Variants in PDE4B observed in about 807,000 individuals in gnomAD.
PDE4B encodes the protein phosphodiesterase 4B.
A neutral mutation model predicts 82.2 loss-of-function variants in PDE4B; 20 were observed. That is an observed-to-expected ratio of 0.24 (90% CI 0.17 to 0.35). PDE4B has a LOEUF of 0.35. Among genes scored for constraint, PDE4B ranks in the 10% least tolerant of loss-of-function variants. The pLI, the probability that PDE4B is intolerant of heterozygous loss-of-function variation, is 1.00. For missense variants in PDE4B, 655 were observed against 907.2 expected, an observed-to-expected ratio of 0.72 and a Z score of 3.57; for synonymous variants, 320 against 318.9, an observed-to-expected ratio of 1.00 and a Z score of -0.04.
At chr1:66,026,563 T>C (rs1379525794) in intron 3 of PDE4B, among the ~76,000 whole-genome samples, 1 of 152,234 alleles carries the variant, frequency 6.6e-6, no homozygotes. Flanking sequence ...TAATAACACT[T>C]AATTTATGGG....
chr1:66,303,351 GTGTA>G (rs767828817), intron 7 of PDE4B, among the ~76,000 whole-genome samples: 16 of 105,302 alleles, frequency 1.5e-4, no homozygotes, highest in African/African-American at 6.4e-4. Context: ...ATGTGTGTGT[GTGTA>G]TATATATATA....
At chr1:66,188,795 C>T (rs1034591941) in intron 3 of PDE4B, among the ~76,000 whole-genome samples, 1 of 151,982 alleles carries the variant, frequency 6.6e-6, no homozygotes, top group African/African-American at 2.4e-5. Flanking sequence ...TCCAATTTGC[C>T]AGTCTGTGTC....
intron 3 of PDE4B, among the ~76,000 whole-genome samples, chr1:66,179,359 C>T (rs1042152986): frequency 6.6e-6 from 1 of 152,024 alleles, no homozygotes; most frequent in South Asian, 2.1e-4. Flanking sequence ...GTGCAGGCTG[C>T]ATATGAGATG....
chr1:66,301,168 A>G (rs1473749469), intron 7 of PDE4B, among the ~76,000 whole-genome samples: 1 of 149,888 alleles, frequency 6.7e-6, no homozygotes, highest in African/African-American at 2.4e-5. Context: ...TATTCACCAG[A>G]TTACCAATAT....
intron 1 of PDE4B, among the ~76,000 whole-genome samples, chr1:65,879,543 G>T (rs1275531254): frequency 1.3e-5 from 2 of 152,100 alleles, no homozygotes; most frequent in Non-Finnish European, 2.9e-5. Context: ...TGGACTGGAG[G>T]AATCAGAAGT....
chr1:66,227,232 A>G (rs781110102), intron 3 of PDE4B, among the ~76,000 whole-genome samples: 48 of 152,192 alleles, frequency 3.2e-4, no homozygotes, highest in Non-Finnish European at 6.0e-4. Context: ...ATCCATTTAC[A>G]TTACCCCTAA....
intron 3 of PDE4B, among the ~76,000 whole-genome samples, chr1:66,211,345 C>G (rs1650032897): frequency 6.6e-6 from 1 of 152,180 alleles, no homozygotes; most frequent in African/African-American, 2.4e-5. Flanking sequence ...ACCTTTGCCT[C>G]TCTTTAAACT....
At chr1:66,232,478 G>A (rs545276557) in intron 3 of PDE4B, among the ~76,000 whole-genome samples, 2 of 152,186 alleles carry the variant, frequency 1.3e-5, no homozygotes, top group Non-Finnish European at 2.9e-5. Context: ...ACACATTAGG[G>A]AAGGATTGGT....
At chr1:65,871,965 A>G (rs1646578215) in intron 1 of PDE4B, among the ~76,000 whole-genome samples, 1 of 152,178 alleles carries the variant, frequency 6.6e-6, no homozygotes, top group Non-Finnish European at 1.5e-5. Flanking sequence ...AAACTTAAGC[A>G]TTGTACCAAG....
intron 3 of PDE4B, among the ~76,000 whole-genome samples, chr1:65,952,406 C>T (rs1306709868): frequency 1.3e-5 from 2 of 152,138 alleles, no homozygotes; most frequent in Non-Finnish European, 2.9e-5. Context: ...TTAGGCCAGG[C>T]GCGATGGCTC....
intron 3 of PDE4B, among the ~76,000 whole-genome samples, chr1:66,111,945 A>T: frequency 6.6e-6 from 1 of 152,172 alleles, no homozygotes; most frequent in Non-Finnish European, 1.5e-5. Flanking sequence ...TAAATGTTTT[A>T]TATTGGAAAC....
intron 4 of PDE4B, among the ~76,000 whole-genome samples, chr1:66,253,031 A>G (rs1043401516): frequency 4.6e-5 from 7 of 152,370 alleles, no homozygotes; most frequent in African/African-American, 1.7e-4. Context: ...TATTGATAAT[A>G]ACTATAACTC....
intron 3 of PDE4B, among the ~76,000 whole-genome samples, chr1:65,972,645 A>G (rs1650204328): frequency 6.6e-6 from 1 of 152,196 alleles, no homozygotes; most frequent in Non-Finnish European, 1.5e-5. Context: ...TATGCTGTTT[A>G]CCAAAAAGTA....
rs541300801 is a variant in PDE4B at position 66,339,136 on chromosome 1, A to G, written c.747+6516A>G. ...CCTTTCCAAGGCATGGAACATGACC[A>G]TAAAACAGAGAATTAATGCTTCAGT... On this transcript the variant is annotated intron_variant, in intron 8 of 16. Coordinates refer to ENST00000341517, the MANE Select transcript of PDE4B (RefSeq NM_002600.4). Among the ~76,000 whole-genome samples, 13 of 152,328 alleles carry G rather than the reference A, an allele frequency of 8.5e-5. 1 individual carries two copies. Among genetic ancestry groups the G allele is most frequent in the East Asian group, 1.9e-4 (1 of 5,190 alleles).
chr1:65,954,337 T>C (rs1345601200), intron 3 of PDE4B, among the ~76,000 whole-genome samples: 1 of 152,176 alleles, frequency 6.6e-6, no homozygotes, highest in African/African-American at 2.4e-5. Flanking sequence ...CTGTAGTTCC[T>C]AGCTAATATT....
At chr1:66,131,952 A>G (rs919449533) in intron 3 of PDE4B, among the ~76,000 whole-genome samples, 6 of 152,050 alleles carry the variant, frequency 3.9e-5, no homozygotes, top group Non-Finnish European at 5.9e-5. Context: ...GTAGAACCCT[A>G]TGAGGGAATA....
At chr1:66,333,999 TC>T (rs1405461501) in intron 8 of PDE4B, among the ~76,000 whole-genome samples, 2 of 152,154 alleles carry the variant, frequency 1.3e-5, no homozygotes, top group African/African-American at 2.4e-5. Context: ...ACCAACTGCT[TC>T]CCCATGAGGA....
intron 7 of PDE4B, among the ~76,000 whole-genome samples, chr1:66,277,500 A>G (rs142482626): frequency 3.3e-5 from 5 of 152,132 alleles, no homozygotes; most frequent in African/African-American, 1.2e-4. Flanking sequence ...GGTTCAACCG[A>G]TTCTCCTGCC....
chr1:65,880,535 A>T lies in PDE4B; in HGVS notation c.-70-32710A>T, dbSNP rs140738364. ...TTTGGGAGATGATTAGGTGATGAGG[A>T]TGCAGCCCTTATGCATGAGATTAAT... On this transcript the variant is annotated intron_variant, in intron 1 of 16. Transcript: ENST00000341517. 3.2e-3 allele frequency among the ~76,000 whole-genome samples: 494 copies of T among 152,292 alleles called. 1 individual carries two copies. Among genetic ancestry groups the T allele is most frequent in the Middle Eastern group, 6.8e-3 (2 of 292 alleles).
Sources: allele counts gnomAD v4.1 joint callset (sites outside exome capture counted in the v4.1 genomes callset), GRCh38; gene constraint gnomAD v4.1.1; transcripts MANE v1.5; gene names NCBI Gene and HGNC (gene_info 2026-07-23, HGNC 2026-07-21).